MYO1B: variants seen among roughly 807,000 people sequenced by gnomAD.
MYO1B encodes unconventional myosin-Ib.
In MYO1B, 72 loss-of-function variants were observed where a neutral mutation model predicts 159.7. The observed-to-expected ratio is 0.45, with a 90% CI of 0.37 to 0.55. The LOEUF is 0.55. MYO1B is among the 20% of genes least tolerant of loss of function. The pLI is 0.00. For synonymous variants in MYO1B, 468 were observed against 473.8 expected, an observed-to-expected ratio of 0.99 and a Z score of 0.16; for missense variants, 1,062 against 1,364.8, an observed-to-expected ratio of 0.78 and a Z score of 3.50.
chr2:191,347,516 T>G (rs1388907039), intron 6 of MYO1B, among the ~76,000 whole-genome samples: 2 of 152,252 alleles, frequency 1.3e-5, no homozygotes, highest in Non-Finnish European at 2.9e-5. Flanking sequence ...TTTGCAAATA[T>G]ATTTAGTCTA....
In MYO1B at chr2:191,320,013, C is replaced by G. The variant is rs557604820; in HGVS notation, c.252-9922C>G. Among the ~76,000 whole-genome samples, 3 of 152,192 alleles carry G rather than the reference C, an allele frequency of 2.0e-5. No individual in the cohort carries two copies. In the South Asian group the frequency reaches 6.2e-4, roughly 32 times the overall value. On this transcript the variant is annotated intron_variant, in intron 3 of 30. Coordinates refer to ENST00000392318, the MANE Select transcript of MYO1B (RefSeq NM_001130158.3). ...TGAAAGCCAAAAATGAGAGACTCCT[C>G]TAAGACAATGGCAAGCTGGTGATGG...
At chr2:191,304,441 A>G (rs1049477461) in intron 3 of MYO1B, among the ~76,000 whole-genome samples, 26 of 152,266 alleles carry the variant, frequency 1.7e-4, no homozygotes, top group African/African-American at 4.8e-4. Flanking sequence ...GTAGTGGTGC[A>G]TGCCTGTAGT....
chr2:191,333,953 G>A (rs370311721), intron 4 of MYO1B, among the ~76,000 whole-genome samples: 4 of 151,926 alleles, frequency 2.6e-5, no homozygotes, highest in African/African-American at 4.8e-5. Context: ...CTGTATCTAC[G>A]CCCACCCCTC....
intron 1 of MYO1B, among the ~76,000 whole-genome samples, chr2:191,248,760 T>A (rs920139389): frequency 1.3e-5 from 2 of 152,230 alleles, no homozygotes; most frequent in Non-Finnish European, 2.9e-5. Context: ...CGATTGGGGA[T>A]CCCAAAGTCC....
At chr2:191,297,097 A>G (rs1298786435) in intron 3 of MYO1B, among the ~76,000 whole-genome samples, 1 of 152,228 alleles carries the variant, frequency 6.6e-6, no homozygotes, top group African/African-American at 2.4e-5. Flanking sequence ...ACATTTACTG[A>G]TTCAAGACAA....
chr2:191,360,798 A>T, intron 8 of MYO1B, 69 bp downstream of exon 8: 1 of 851,978 alleles, frequency 1.2e-6, no homozygotes. Context: ...TGGAGCTGGG[A>T]GTCTCACTGT....
chr2:191,343,126 C>G (rs924364366), intron 5 of MYO1B, among the ~76,000 whole-genome samples: 1 of 152,100 alleles, frequency 6.6e-6, no homozygotes, highest in Non-Finnish European at 1.5e-5. Context: ...GAAAGTATCT[C>G]CAGACATTGT....
intron 13 of MYO1B, among the ~76,000 whole-genome samples, chr2:191,375,470 A>AAGATAGATAGATAGATAGAT (rs149225477): frequency 2.1e-3 from 309 of 146,354 alleles, no homozygotes; most frequent in Middle Eastern, 0.011. Context: ...TGATTTGTAA[A>AAGATAGATAGATAGATAGAT]AGATAGATAG....
chr2:191,381,003 T>C, intron 13 of MYO1B: 1 of 268,304 alleles, frequency 3.7e-6, no homozygotes, highest in South Asian at 4.7e-5. Context: ...CAAAAAGGGT[T>C]AGGATGCAAG....
chr2:191,409,280 C>G (rs776398556), intron 26 of MYO1B, 102 bp downstream of exon 26: 23 of 1,296,766 alleles, frequency 1.8e-5, no homozygotes, highest in Non-Finnish European at 2.4e-5. Context: ...TCCTTTGCCT[C>G]AAAGAGGATT....
At chr2:191,361,549 A>G (rs967517984) in intron 8 of MYO1B, among the ~76,000 whole-genome samples, 11 of 151,488 alleles carry the variant, frequency 7.3e-5, no homozygotes, top group African/African-American at 2.7e-4. Context: ...ACAAATGCAG[A>G]TTAAAACAGC....
intron 14 of MYO1B, among the ~76,000 whole-genome samples, chr2:191,382,165 T>G (rs1695079794): frequency 6.6e-6 from 1 of 152,270 alleles, no homozygotes; most frequent in South Asian, 2.1e-4. Flanking sequence ...AAATTAGTTA[T>G]TTCAAAAAAT....
intron 2 of MYO1B, among the ~76,000 whole-genome samples, chr2:191,291,836 T>G (rs1688705584): frequency 6.6e-6 from 1 of 152,244 alleles, no homozygotes; most frequent in African/African-American, 2.4e-5. Flanking sequence ...AAAGGAGATT[T>G]AATCTGGTGC....
In MYO1B at chr2:191,396,371, T is replaced by C. The variant is rs1006709947; in HGVS notation, c.2227-58T>C. The C allele has an allele frequency of 3.2e-6, 5 of 1,554,562 alleles. No homozygotes were observed. In the African/African-American group the frequency reaches 5.4e-5, roughly 17 times the overall value. On this transcript the variant is annotated intron_variant, in intron 20 of 30. Transcript: ENST00000392318. ...GTGAGCAAATACCCTTTCTCAATCC[T>C]TGTATGCGTTACAGATATTAACTAC... is the stretch of plus-strand genomic sequence containing the variant.
At chr2:191,419,680 T>G (rs572866022) in intron 30 of MYO1B, among the ~76,000 whole-genome samples, 3 of 152,266 alleles carry the variant, frequency 2.0e-5, no homozygotes, top group East Asian at 1.9e-4. Context: ...GACTTTCCAG[T>G]GGGACAAGAC....
intron 24 of MYO1B, among the ~76,000 whole-genome samples, chr2:191,407,153 T>C (rs1214287922): frequency 2.0e-5 from 3 of 152,248 alleles, no homozygotes; most frequent in Non-Finnish European, 2.9e-5. Context: ...TGAATTGTTA[T>C]ATTGAGTTCT....
intron 3 of MYO1B, among the ~76,000 whole-genome samples, chr2:191,303,020 G>T (rs1382817720): frequency 6.6e-6 from 1 of 152,138 alleles, no homozygotes; most frequent in Non-Finnish European, 1.5e-5. Context: ...TTGAGTCTTT[G>T]TTGATCCTGT....
chr2:191,268,155 T>C (rs539541275), intron 1 of MYO1B, among the ~76,000 whole-genome samples: 3 of 152,340 alleles, frequency 2.0e-5, no homozygotes, highest in Non-Finnish European at 2.9e-5. Context: ...CAAGATACCA[T>C]GGACCGGGTG....
chr2:191,414,304 T>TC (rs944255543), intron 28 of MYO1B, 124 bp downstream of exon 28: 2 of 1,249,026 alleles, frequency 1.6e-6, no homozygotes, highest in African/African-American at 3.0e-5. Flanking sequence ...GGCGGCTATT[T>TC]CCCCTTACCT....
Sources: allele counts gnomAD v4.1 joint callset (sites outside exome capture counted in the v4.1 genomes callset), GRCh38; gene constraint gnomAD v4.1.1; transcripts MANE v1.5; gene names NCBI Gene and HGNC (gene_info 2026-07-23, HGNC 2026-07-21).